PITPNA: variants seen among roughly 807,000 people sequenced by gnomAD.
The protein encoded by PITPNA is phosphatidylinositol transfer protein alpha isoform.
In PITPNA, 13 loss-of-function variants were observed where a neutral mutation model predicts 50.3. The ratio of observed to expected loss-of-function variants is 0.26; its 90% CI spans 0.17 to 0.41. The LOEUF (loss-of-function observed/expected upper bound fraction) is 0.41, where lower values mean the gene tolerates loss of function less well. Ranked by LOEUF, PITPNA falls within the 10% of genes least tolerant of loss-of-function variation. The pLI, the probability that PITPNA is intolerant of heterozygous loss-of-function variation, is 1.00. For missense variants in PITPNA, 207 were observed against 333.4 expected, an observed-to-expected ratio of 0.62 and a Z score of 2.95; for synonymous variants, 120 against 119.6, an observed-to-expected ratio of 1.00 and a Z score of -0.02.
intron 3 of PITPNA, among the ~76,000 whole-genome samples, chr17:1,551,713 A>C (rs181038381): frequency 1.9e-3 from 295 of 152,344 alleles, no homozygotes; most frequent in Admixed American, 3.5e-3. Context: ...TCTCTTTTCA[A>C]AATCCTCTTT....
chr17:1,526,212 G>C (rs952606980), intron 10 of PITPNA, among the ~76,000 whole-genome samples: 1 of 152,176 alleles, frequency 6.6e-6, no homozygotes, highest in Non-Finnish European at 1.5e-5. Flanking sequence ...ACACAGGTGG[G>C]GTCTAATCAT....
At chr17:1,535,720 G>A in intron 7 of PITPNA, 1 of 586,754 alleles carries the variant, frequency 1.7e-6, no homozygotes, top group South Asian at 2.0e-5. Flanking sequence ...TTCTCCGATA[G>A]GGTTTGTTTT....
intron 6 of PITPNA, 26 bp downstream of exon 6, chr17:1,541,540 T>C: frequency 1.9e-6 from 3 of 1,566,010 alleles, no homozygotes; most frequent in Non-Finnish European, 2.6e-6. Flanking sequence ...ACCTCACCCC[T>C]GGGGCTTTTG....
At chr17:1,558,357 C>T (rs2075749244) in intron 2 of PITPNA, among the ~76,000 whole-genome samples, 172 bp downstream of exon 2, 2 of 151,886 alleles carry the variant, frequency 1.3e-5, no homozygotes, top group South Asian at 4.1e-4. Flanking sequence ...CCCAGATATA[C>T]AAAGTAAGTG....
intron 10 of PITPNA, among the ~76,000 whole-genome samples, chr17:1,522,123 C>G (rs1317237816): frequency 3.2e-4 from 48 of 149,150 alleles, no homozygotes; most frequent in Non-Finnish European, 3.9e-4. Context: ...GGACTGCGGA[C>G]TGCAGTGGCG....
chr17:1,561,461 G>A (rs2075767740), intron 1 of PITPNA, among the ~76,000 whole-genome samples: 1 of 151,888 alleles, frequency 6.6e-6, no homozygotes, highest in Non-Finnish European at 1.5e-5. Context: ...CCAAGACTGA[G>A]AATCCCCTAG....
Position 1,535,261 on chromosome 17 carries a change from T to C in PITPNA, c.566A>G (p.Tyr189Cys). ...GGTCACCAGTTTGTATGCACACATA[T>C]ATGGGCAGTCCTTCTGGTTTACAAG... ...QELVNQKDCP[Y>C]MCAYKLVTVK... Residue 189 changes from tyrosine (Y) to cysteine (C), a missense_variant, in exon 9 of 12, where the codon TAT (tyrosine) becomes TGT (cysteine). Tyr to Cys is a radical substitution (Grantham distance 194, BLOSUM62 -2). Transcript: ENST00000313486. The C allele has an allele frequency of 1.8e-5, 29 of 1,613,672 alleles. No individual in the cohort carries two copies. Among genetic ancestry groups the C allele is most frequent in the Non-Finnish European group, 2.4e-5 (28 of 1,179,560 alleles).
At chr17:1,532,686 C>T (rs538297433) in intron 10 of PITPNA, among the ~76,000 whole-genome samples, 89 of 152,272 alleles carry the variant, frequency 5.8e-4, no homozygotes, top group Non-Finnish European at 9.7e-4. Flanking sequence ...TTTGTCAGGA[C>T]TAGGGTGACC....
In PITPNA at chr17:1,519,234, A is replaced by G; in HGVS notation, c.*1327T>C. ...TGCACCCAGGCTAGTGTGGGCTGGG[A>G]TCACGGCACACTTAGGCCAACGTGC... On this transcript the variant is annotated 3_prime_UTR_variant, in exon 12 of 12. Transcript: ENST00000313486. The G allele has an allele frequency of 6.6e-6, 1 of 152,390 alleles. No individual in the cohort carries two copies. Among genetic ancestry groups the G allele is most frequent in the East Asian group, 1.9e-4 (1 of 5,202 alleles). 9.4% of individuals were successfully genotyped at this position (152,390 alleles called of 1,614,324 possible). A position where few individuals can be genotyped will look rare whatever the true frequency, so the allele number is the denominator to read the frequency against.
In PITPNA at chr17:1,562,016, C is replaced by T. The variant is rs2151016358; in HGVS notation, c.20+525G>A. 6.6e-6 allele frequency among the ~76,000 whole-genome samples: 1 copy of T among 152,266 alleles called. No homozygotes were observed. The highest frequency in any genetic ancestry group is 2.1e-4 in the South Asian group (1 of 4,828). On this transcript the variant is annotated intron_variant, in intron 1 of 11. Transcript: ENST00000313486. This position sits in a 1 kb window ranked among gnomAD's most constrained non-coding sequence, Gnocchi z 6.4. Reference sequence around the variant, plus strand: ...GCGCCGCCTGCAGTCCCGGCTGAGCCCGCGCCCTCGGCCCGCGCAGAGCGA... The same window carrying T: ...GCGCCGCCTGCAGTCCCGGCTGAGCTCGCGCCCTCGGCCCGCGCAGAGCGA...
In PITPNA at chr17:1,519,223, T is replaced by C. The variant is rs576005335; in HGVS notation, c.*1338A>G. On this transcript the variant is annotated 3_prime_UTR_variant, in exon 12 of 12. Transcript: ENST00000313486. ...CCATTAGCAGATGCACCCAGGCTAG[T>C]GTGGGCTGGGATCACGGCACACTTA... 1 of 152,536 alleles carries C rather than the reference T, an allele frequency of 6.6e-6. No homozygotes were observed. Among genetic ancestry groups the C allele is most frequent in the South Asian group, 2.1e-4 (1 of 4,826 alleles). 9.4% of individuals were successfully genotyped at this position (152,536 alleles called of 1,614,324 possible). A position where few individuals can be genotyped will look rare whatever the true frequency, so the allele number is the denominator to read the frequency against.
intron 4 of PITPNA, among the ~76,000 whole-genome samples, chr17:1,544,571 C>T (rs772305507): frequency 2.0e-5 from 3 of 152,190 alleles, no homozygotes; most frequent in Non-Finnish European, 4.4e-5. Context: ...ACCCAAAGTA[C>T]ACAGAAAAGC....
intron 10 of PITPNA, among the ~76,000 whole-genome samples, chr17:1,527,656 A>G (rs2075555712): frequency 1.3e-5 from 2 of 152,172 alleles, no homozygotes; most frequent in Admixed American, 6.5e-5. Context: ...TCTATTTTTA[A>G]ATTTTTTTTC....
intron 10 of PITPNA, among the ~76,000 whole-genome samples, chr17:1,523,150 G>A (rs562724929): frequency 6.6e-6 from 1 of 152,140 alleles, no homozygotes; most frequent in South Asian, 2.1e-4. Context: ...GCACCTTCCA[G>A]GCAGACATCA....
intron 11 of PITPNA, among the ~76,000 whole-genome samples, 154 bp downstream of exon 11, chr17:1,521,422 TCTC>T (rs1196272259): frequency 6.6e-6 from 1 of 152,038 alleles, no homozygotes; most frequent in Non-Finnish European, 1.5e-5. Flanking sequence ...AGGGCCATAA[TCTC>T]CTAGTGGAAG....
chr17:1,523,576 C>T lies in PITPNA; in HGVS notation c.769-1931G>A, dbSNP rs1028146315. ...AGGCTGGATGGCAGTGGTGTGATCT[C>T]GGCTCACTGCAATCTCTGCCTCCCG... On this transcript the variant is annotated intron_variant, in intron 10 of 11. Transcript: ENST00000313486. 5.5e-5 allele frequency among the ~76,000 whole-genome samples: 8 copies of T among 145,962 alleles called. No individual in the cohort carries two copies. The South Asian group carries it at 8.7e-4, about 16-fold the overall frequency.
At chr17:1,530,901 G>T (rs547335034) in intron 10 of PITPNA, among the ~76,000 whole-genome samples, 8 of 152,254 alleles carry the variant, frequency 5.3e-5, no homozygotes, top group Admixed American at 4.6e-4. Flanking sequence ...AAAGGCTCAG[G>T]AACTGGAAGC....
At chr17:1,527,278 C>A (rs1026356161) in intron 10 of PITPNA, among the ~76,000 whole-genome samples, 1 of 152,108 alleles carries the variant, frequency 6.6e-6, no homozygotes, top group Non-Finnish European at 1.5e-5. Context: ...GAGTTTCGCT[C>A]TGTTGCCCAG....
rs1441116502 is a variant in PITPNA, at chr17:1,517,996, T to C, written c.*2565A>G. 1 of 152,656 alleles carries C rather than the reference T, an allele frequency of 6.6e-6. No individual in the cohort carries two copies. Among genetic ancestry groups the C allele is most frequent in the Non-Finnish European group, 1.5e-5 (1 of 68,032 alleles). The allele number at this position is 152,656 out of a possible 1,614,324, so 9.5% of individuals were successfully genotyped here. ...AAACTGGACTCCAGAAAGTTCTGTC[T>C]AGGATTTTATTAGACTGCTTTTTTT... On this transcript the variant is annotated 3_prime_UTR_variant, in exon 12 of 12. Transcript: ENST00000313486.
Sources: gnomAD v4.1 joint callset for allele counts (sites outside exome capture counted in the v4.1 genomes callset) on GRCh38, gnomAD v4.1.1 for gene constraint, Gnocchi (gnomAD v3.1) non-coding constraint, MANE v1.5 for transcripts, NCBI Gene and HGNC (gene_info 2026-07-23, HGNC 2026-07-21) for gene names.